The following PACRG variants were observed in gnomAD, a reference collection of about 807,000 sequenced individuals.
The protein encoded by PACRG is parkin coregulated, also known as parkin coregulated gene protein.
Under a neutral mutation model 29.7 loss-of-function variants are expected in PACRG, and 29 were observed. That is an observed-to-expected ratio of 0.98 (90% confidence interval 0.73 to 1.33). The LOEUF (loss-of-function observed/expected upper bound fraction) is 1.33. Ranked by LOEUF, PACRG falls within the 40% of genes most tolerant of loss-of-function variation. The pLI is 0.00. For missense variants in PACRG, 279 were observed against 316.2 expected (o/e 0.88, Z 0.89); for synonymous variants, 116 against 118.7 (o/e 0.98, Z 0.15).
At chr6:163,149,546 C>G (rs2128337817) in intron 4 of PACRG, among the ~76,000 whole-genome samples, 1 of 152,206 alleles carries the variant, frequency 6.6e-6, no homozygotes, top group Non-Finnish European at 1.5e-5. Flanking sequence ...AAAGCAACCG[C>G]GTCTCCAGAC....
intron 4 of PACRG, among the ~76,000 whole-genome samples, chr6:163,145,188 A>G (rs1298550527): frequency 1.3e-5 from 2 of 152,232 alleles, no homozygotes; most frequent in African/African-American, 2.4e-5. Context: ...TAAATCTTAC[A>G]TCTTAGACAA....
chr6:163,280,169 G>T lies in PACRG; in HGVS notation c.614-34658G>T, dbSNP rs190564241. Among the ~76,000 whole-genome samples, 18 of 152,324 alleles carry T rather than the reference G, an allele frequency of 1.2e-4. No individual in the cohort carries two copies. The East Asian group carries it at 3.5e-3, about 29-fold the overall frequency. ...CATCCTCCCAGATCTAGCAGCTCATGCTGTGTGCATGGGATGTGGAGTTAT... is the reference window on the plus strand; with the variant it reads ...CATCCTCCCAGATCTAGCAGCTCATTCTGTGTGCATGGGATGTGGAGTTAT... On this transcript the variant is annotated intron_variant, in intron 4 of 4. Transcript: ENST00000366888.
At chr6:162,743,435 CAT>C (rs1484924207) in intron 1 of PACRG, among the ~76,000 whole-genome samples, 2 of 152,044 alleles carry the variant, frequency 1.3e-5, no homozygotes, top group African/African-American at 4.8e-5. Flanking sequence ...GAATTGGAGT[CAT>C]ATCATACATA....
intron 1 of PACRG, among the ~76,000 whole-genome samples, chr6:162,729,665 T>C (rs1264769734): frequency 6.6e-6 from 1 of 152,162 alleles, no homozygotes; most frequent in Non-Finnish European, 1.5e-5. Context: ...TAGTTTTTCT[T>C]CTACACAATA....
At chr6:162,885,788 G>A (rs190881497) in intron 2 of PACRG, among the ~76,000 whole-genome samples, 147 of 151,554 alleles carry the variant, frequency 9.7e-4, no homozygotes, top group African/African-American at 2.8e-3. Flanking sequence ...GTGTGTGTGT[G>A]TATATATATA....
chr6:163,301,537 A>G (rs1405130198), intron 4 of PACRG, among the ~76,000 whole-genome samples: 1 of 152,226 alleles, frequency 6.6e-6, no homozygotes, highest in Non-Finnish European at 1.5e-5. Context: ...AGGTGAGTCC[A>G]GATAACAATG....
chr6:163,064,557 T>C (rs750865766), intron 3 of PACRG, among the ~76,000 whole-genome samples: 20 of 152,194 alleles, frequency 1.3e-4, no homozygotes, highest in Non-Finnish European at 2.5e-4. Context: ...CTCAATCTGT[T>C]TATGTCACTA....
intron 4 of PACRG, among the ~76,000 whole-genome samples, chr6:163,104,913 T>A (rs1815297952): frequency 6.6e-6 from 1 of 152,208 alleles, no homozygotes; most frequent in South Asian, 2.1e-4. Context: ...GAGAAGAGTG[T>A]TCTCCTAGTC....
chr6:163,123,565 C>T (rs1395866190), intron 4 of PACRG, among the ~76,000 whole-genome samples: 3 of 152,150 alleles, frequency 2.0e-5, no homozygotes, highest in Admixed American at 6.5e-5. Context: ...AATACCTTAT[C>T]GTTAACTCTA....
chr6:163,095,206 G>A, intron 4 of PACRG: 4 of 955,152 alleles, frequency 4.2e-6, no homozygotes, highest in Non-Finnish European at 5.0e-6. Context: ...GAGGTTAAAT[G>A]CCTTTCCTCT....
chr6:162,958,884 T>TATAG (rs1562779944), intron 2 of PACRG, among the ~76,000 whole-genome samples: 10 of 21,156 alleles, frequency 4.7e-4, no homozygotes, highest in Non-Finnish European at 7.6e-4. Flanking sequence ...TATATATATA[T>TATAG]AGAGAGAGAG....
At position 163,292,599 on chromosome 6, in the gene PACRG, T is replaced by TTTATTTA. The variant is rs1222448014; in HGVS notation, c.614-22223_614-22222insTATTATT. On this transcript the variant is annotated intron_variant, in intron 4 of 4. Transcript: ENST00000366888. ...TATTATTTATTTATTTATTTATTTA[T>TTTATTTA]TTATTAGTAGAGATAGGGTTTCACC... 4.7e-5 allele frequency among the ~76,000 whole-genome samples: 7 copies of TTTATTTA among 149,780 alleles called. No homozygotes were observed. In the East Asian group the frequency reaches 1.4e-3, roughly 29 times the overall value.
rs554596398 is a variant in PACRG, at chr6:163,174,779, A to G, written c.613+85371A>G. ...GGGCACCGTCTCCATCATCATCATC[A>G]TTATTGTTACTGTTACCATCACTAA... On this transcript the variant is annotated intron_variant, in intron 4 of 4. Transcript: ENST00000366888. Among the ~76,000 whole-genome samples, 4 of 152,248 alleles carry G rather than the reference A, an allele frequency of 2.6e-5. No homozygotes were observed. The South Asian group carries it at 8.3e-4, about 32-fold the overall frequency.
intron 2 of PACRG, among the ~76,000 whole-genome samples, chr6:163,038,137 T>C (rs1441140517): frequency 2.6e-5 from 4 of 152,218 alleles, no homozygotes; most frequent in Admixed American, 6.5e-5. Flanking sequence ...CCCAAGGTCC[T>C]ATCACTAATT....
chr6:162,727,885 A>AGCCCCCC, upstream of PACRG: 1 of 596,744 alleles, frequency 1.7e-6, no homozygotes, highest in Non-Finnish European at 2.9e-6. Flanking sequence ...TCCTGCCCCC[A>AGCCCCCC]GCCCCCCACC....
intron 4 of PACRG, among the ~76,000 whole-genome samples, chr6:163,312,607 T>C (rs1785469037): frequency 6.6e-6 from 1 of 151,844 alleles, no homozygotes; most frequent in South Asian, 2.1e-4. Context: ...TTAAGAAATA[T>C]AAACAGAAAA....
chr6:162,995,092 G>A (rs1200610988), intron 2 of PACRG, among the ~76,000 whole-genome samples: 8 of 151,096 alleles, frequency 5.3e-5, no homozygotes, highest in Admixed American at 1.3e-4. Flanking sequence ...GAGGCAGTCC[G>A]CCCGTTCTCA....
intron 2 of PACRG, among the ~76,000 whole-genome samples, chr6:162,916,665 A>G (rs1310902442): frequency 6.6e-6 from 1 of 152,134 alleles, no homozygotes; most frequent in Non-Finnish European, 1.5e-5. Context: ...GCTGCAACAT[A>G]CAAGTACACA....
intron 4 of PACRG, among the ~76,000 whole-genome samples, chr6:163,115,687 T>TG (rs1815953825): frequency 6.6e-6 from 1 of 152,162 alleles, no homozygotes; most frequent in South Asian, 2.1e-4. Context: ...AGCATGCATC[T>TG]ACTGTAATTT....
Sources: gnomAD v4.1 joint callset for allele counts (sites outside exome capture counted in the v4.1 genomes callset) on GRCh38, gnomAD v4.1.1 for gene constraint, MANE v1.5 for transcripts, NCBI Gene and HGNC (gene_info 2026-07-23, HGNC 2026-07-21) for gene names.